Variants in EDIL3 observed in about 807,000 individuals in gnomAD.
The protein encoded by EDIL3 is EGF like and discoidin domains 3, also known as EGF-like repeat and discoidin I-like domain-containing protein 3.
Under a neutral mutation model 67.4 loss-of-function variants are expected in EDIL3, and 37 were observed. The ratio of observed to expected loss-of-function variants is 0.55; its 90% CI spans 0.42 to 0.72. The LOEUF is 0.72. Ranked by LOEUF, EDIL3 falls within the 30% of genes least tolerant of loss-of-function variation. The probability of loss-of-function intolerance (pLI) is 0.00; values close to 1 mark genes in which losing one functional copy is unlikely to be tolerated. For missense variants in EDIL3, 527 were observed against 586.3 expected, an observed-to-expected ratio of 0.90 and a Z score of 1.04; for synonymous variants, 195 against 196.3, an observed-to-expected ratio of 0.99 and a Z score of 0.05.
chr5:84,143,404 G>T (rs1277843840), intron 4 of EDIL3, among the ~76,000 whole-genome samples: 1 of 151,976 alleles, frequency 6.6e-6, no homozygotes, highest in Non-Finnish European at 1.5e-5. Flanking sequence ...TACAAGAACA[G>T]TAGCATAACA....
At chr5:83,985,077 C>A (rs1441102710) in intron 9 of EDIL3, among the ~76,000 whole-genome samples, 1 of 151,808 alleles carries the variant, frequency 6.6e-6, no homozygotes, top group African/African-American at 2.4e-5. Flanking sequence ...CTTCTTTTTC[C>A]CATTCCAGCC....
intron 5 of EDIL3, among the ~76,000 whole-genome samples, chr5:84,136,839 A>G (rs916381277): frequency 2.6e-5 from 4 of 151,990 alleles, no homozygotes; most frequent in African/African-American, 9.7e-5. Flanking sequence ...TCTGGTTTCA[A>G]TGCCCTGAAT....
intron 3 of EDIL3, among the ~76,000 whole-genome samples, chr5:84,198,297 T>C (rs1008512591): frequency 1.3e-5 from 2 of 151,652 alleles, no homozygotes; most frequent in African/African-American, 4.8e-5. Context: ...GATGATAGAA[T>C]TCTTGGTCTT....
intron 9 of EDIL3, among the ~76,000 whole-genome samples, chr5:84,013,409 T>C (rs144439739): frequency 1.4e-4 from 21 of 152,238 alleles, no homozygotes; most frequent in African/African-American, 4.8e-4. Context: ...TAGAATTTAG[T>C]TTTTGTAAAT....
chr5:84,039,588 T>C lies in EDIL3; in HGVS notation c.1137+20712A>G, dbSNP rs1031835489. ...ATTATCTATTGACCGAAAATCATCA[T>C]TATATCAGCATCATAACTTAGATCA... On this transcript the variant is annotated intron_variant, in intron 9 of 10. Transcript: ENST00000296591. Among the ~76,000 whole-genome samples the C allele has an allele frequency of 2.0e-5, 3 of 152,178 alleles. No homozygotes were observed. In the East Asian group the frequency reaches 5.8e-4, roughly 29 times the overall value.
At chr5:84,287,461 T>C (rs1454506718) in intron 1 of EDIL3, among the ~76,000 whole-genome samples, 1 of 152,116 alleles carries the variant, frequency 6.6e-6, no homozygotes, top group African/African-American at 2.4e-5. Context: ...AATATTAAAT[T>C]TGTAGATCAA....
intron 4 of EDIL3, among the ~76,000 whole-genome samples, chr5:84,153,487 G>A (rs1177182143): frequency 4.0e-5 from 6 of 151,656 alleles, no homozygotes; most frequent in Non-Finnish European, 7.4e-5. Context: ...TAGAGACGGG[G>A]TTTCACCATA....
At chr5:84,248,333 T>A (rs1348079709) in intron 2 of EDIL3, among the ~76,000 whole-genome samples, 1 of 152,214 alleles carries the variant, frequency 6.6e-6, no homozygotes, top group Non-Finnish European at 1.5e-5. Context: ...TGAGACATTG[T>A]TAATCCTGAA....
chr5:84,156,759 T>G (rs769354841), intron 4 of EDIL3, among the ~76,000 whole-genome samples: 1 of 152,174 alleles, frequency 6.6e-6, no homozygotes. Context: ...TTCTTCTGAC[T>G]GCGCAGTCAA....
chr5:84,356,157 T>TA (rs531934176), intron 1 of EDIL3, among the ~76,000 whole-genome samples: 29 of 152,270 alleles, frequency 1.9e-4, no homozygotes, highest in Admixed American at 4.6e-4. Context: ...AGCTTCACAT[T>TA]AAAAAACAGC....
chr5:84,144,303 T>C (rs1748255360), intron 4 of EDIL3, among the ~76,000 whole-genome samples: 1 of 149,166 alleles, frequency 6.7e-6, no homozygotes, highest in African/African-American at 2.5e-5. Flanking sequence ...CCTCCCTTCC[T>C]CCCTTCTTTC....
intron 9 of EDIL3, among the ~76,000 whole-genome samples, chr5:84,014,129 C>T (rs890483654): frequency 2.0e-5 from 3 of 152,044 alleles, no homozygotes; most frequent in Non-Finnish European, 2.9e-5. Flanking sequence ...CTCTCCTATG[C>T]TTAACAGGAT....
intron 9 of EDIL3, among the ~76,000 whole-genome samples, chr5:84,012,637 C>T (rs902647062): frequency 1.1e-4 from 17 of 152,068 alleles, no homozygotes; most frequent in Admixed American, 1.0e-3. Context: ...TAGTAAATTA[C>T]TCAGTAAAGT....
chr5:84,360,570 T>A (rs1428593481), intron 1 of EDIL3, among the ~76,000 whole-genome samples: 2 of 152,144 alleles, frequency 1.3e-5, no homozygotes, highest in African/African-American at 4.8e-5. Context: ...AAGGAATAAG[T>A]AATGCCATCA....
chr5:84,283,104 G>T (rs1745736454), intron 1 of EDIL3, among the ~76,000 whole-genome samples: 1 of 151,830 alleles, frequency 6.6e-6, no homozygotes, highest in South Asian at 2.1e-4. Context: ...TTGGGCTGAT[G>T]TGTTCAGTAT....
chr5:84,116,368 A>G (rs1747665928), intron 5 of EDIL3, among the ~76,000 whole-genome samples: 1 of 152,200 alleles, frequency 6.6e-6, no homozygotes, highest in African/African-American at 2.4e-5. Context: ...TGAATTCTAG[A>G]GACATCTATA....
intron 1 of EDIL3, among the ~76,000 whole-genome samples, chr5:84,371,350 T>C (rs1747845875): frequency 7.3e-6 from 1 of 137,786 alleles, no homozygotes; most frequent in Non-Finnish European, 1.6e-5. Flanking sequence ...TATGTGTGTG[T>C]GTATATATAT....
At chr5:84,275,551 C>A (rs1172261548) in intron 1 of EDIL3, among the ~76,000 whole-genome samples, 1 of 152,172 alleles carries the variant, frequency 6.6e-6, no homozygotes, top group Non-Finnish European at 1.5e-5. Context: ...CATTTACAAA[C>A]TGAATTTCTA....
At chr5:84,200,889 A>G (rs1743817737) in intron 3 of EDIL3, among the ~76,000 whole-genome samples, 1 of 152,082 alleles carries the variant, frequency 6.6e-6, no homozygotes, top group African/African-American at 2.4e-5. Context: ...TTACAGTGAA[A>G]TTTATCCTCA....
Sources: gnomAD v4.1 joint callset for allele counts (sites outside exome capture counted in the v4.1 genomes callset) on GRCh38, gnomAD v4.1.1 for gene constraint, MANE v1.5 for transcripts, NCBI Gene and HGNC (gene_info 2026-07-23, HGNC 2026-07-21) for gene names.